The following ZNF229 variants were observed in gnomAD, a reference collection of about 807,000 sequenced individuals.
The protein encoded by ZNF229 is zinc finger protein 229.
A neutral mutation model predicts 11.8 loss-of-function variants in ZNF229; 10 were observed. The ratio of observed to expected loss-of-function variants is 0.85; its 90% CI spans 0.52 to 1.44. The LOEUF is 1.44. Among genes scored for constraint, ZNF229 ranks in the 40% most tolerant of loss-of-function variants. The probability of loss-of-function intolerance (pLI) is 0.00; values close to 1 mark genes in which losing one functional copy is unlikely to be tolerated. For synonymous variants in ZNF229, 368 were observed against 374.8 expected (o/e 0.98, Z 0.21); for missense variants, 1,045 against 1,015.1 (o/e 1.03, Z -0.40).
intron 4 of ZNF229, among the ~76,000 whole-genome samples, chr19:44,442,211 G>A (rs923491580): frequency 6.6e-6 from 1 of 152,144 alleles, no homozygotes; most frequent in Admixed American, 6.5e-5. Context: ...ACGTTCCACA[G>A]AGGAGAACAA....
chr19:44,433,590 A>G (rs1042815620), intron 4 of ZNF229, among the ~76,000 whole-genome samples: 4 of 151,944 alleles, frequency 2.6e-5, no homozygotes, highest in East Asian at 3.9e-4. Flanking sequence ...TGCTTTAGGC[A>G]TATAAAGTTC....
intron 4 of ZNF229, among the ~76,000 whole-genome samples, chr19:44,434,280 A>T (rs1487638070): frequency 6.6e-6 from 1 of 152,158 alleles, no homozygotes; most frequent in African/African-American, 2.4e-5. Flanking sequence ...CCAATCATTC[A>T]CTACCCTTCC....
intron 4 of ZNF229, among the ~76,000 whole-genome samples, chr19:44,433,917 C>T (rs537569876): frequency 2.6e-5 from 4 of 152,240 alleles, no homozygotes; most frequent in East Asian, 1.9e-4. Context: ...CAGGCATGTG[C>T]CACCATGCCC....
chr19:44,444,462 G>T (rs1010323657), intron 2 of ZNF229, among the ~76,000 whole-genome samples: 2 of 152,050 alleles, frequency 1.3e-5, no homozygotes, highest in African/African-American at 4.8e-5. Context: ...ATTGCCCTTT[G>T]ACCCAGGTGT....
At chr19:44,441,223 T>C (rs1299214030) in intron 4 of ZNF229, among the ~76,000 whole-genome samples, 1 of 152,088 alleles carries the variant, frequency 6.6e-6, no homozygotes, top group East Asian at 1.9e-4. Context: ...GGGGAACTTA[T>C]GGTGACGAAT....
intron 4 of ZNF229, among the ~76,000 whole-genome samples, chr19:44,439,563 C>G (rs1338348823): frequency 6.6e-6 from 1 of 152,136 alleles, no homozygotes; most frequent in Non-Finnish European, 1.5e-5. Flanking sequence ...TCTGCCTTAG[C>G]CTCCCGAGTA....
chr19:44,443,944 G>A (rs1310458091), intron 2 of ZNF229, among the ~76,000 whole-genome samples: 1 of 151,926 alleles, frequency 6.6e-6, no homozygotes, highest in African/African-American at 2.4e-5. Flanking sequence ...CCACCCCCCA[G>A]ACTGAATTAA....
chr19:44,430,262 A>G lies in ZNF229; in HGVS notation c.519T>C (p.Phe173=). ...DGLIGLENQQ[F]PAWRAIRPIP... Reference sequence around the variant, plus strand: ...TTGGTCTTATAGCTCTCCAGGCTGGAAACTGTTGATTTTCTAGACCGATAA... The same window carrying G: ...TTGGTCTTATAGCTCTCCAGGCTGGGAACTGTTGATTTTCTAGACCGATAA... Residue 173 remains phenylalanine, a synonymous_variant, in exon 6 of 6, where the codon TTT becomes TTC. Coordinates refer to ENST00000614049, the MANE Select transcript of ZNF229 (RefSeq NM_014518.4). The G allele has an allele frequency of 6.2e-7, 1 of 1,614,098 alleles. No homozygotes were observed. The highest frequency in any genetic ancestry group is 8.5e-7 in the Non-Finnish European group (1 of 1,180,036).
intron 4 of ZNF229, among the ~76,000 whole-genome samples, chr19:44,439,144 A>G (rs921595270): frequency 5.9e-5 from 9 of 152,196 alleles, no homozygotes; most frequent in African/African-American, 1.9e-4. Flanking sequence ...CTGCCACAAA[A>G]CTGATTGCTT....
intron 2 of ZNF229, among the ~76,000 whole-genome samples, chr19:44,446,818 A>C (rs1359361473): frequency 1.3e-5 from 2 of 152,218 alleles, no homozygotes. Context: ...AAATAAAGCA[A>C]ACATGATAGA....
In ZNF229 at chr19:44,428,683, G is replaced by T; in HGVS notation, c.2098C>A (p.Arg700Ser). The change falls in exon 6 of 6, where the codon CGC becomes AGC. Residue 700 changes from arginine (R) to serine (S), a missense_variant. Coordinates refer to ENST00000614049, the MANE Select transcript of ZNF229 (RefSeq NM_014518.4). ...GKGFSYGSNL[R>S]THQRLHTGEK... ...CCTGTGTGCAACCTCTGGTGGGTGC[G>T]AAGATTAGAGCCATAACTGAATCCC... is the stretch of plus-strand genomic sequence containing the variant. The T allele has an allele frequency of 6.2e-7, 1 of 1,613,934 alleles. No homozygotes were observed. The highest frequency in any genetic ancestry group is 8.5e-7 in the Non-Finnish European group (1 of 1,179,990).
At chr19:44,436,132 G>A (rs764907312) in intron 4 of ZNF229, among the ~76,000 whole-genome samples, 21 of 152,306 alleles carry the variant, frequency 1.4e-4, no homozygotes, top group East Asian at 5.8e-4. Context: ...ATGTTGGCCC[G>A]GACTCGGACA....
intron 2 of ZNF229, 80 bp from the exon 3 acceptor site, chr19:44,443,104 C>T: frequency 1.8e-6 from 1 of 563,982 alleles, no homozygotes; most frequent in South Asian, 2.3e-5. Context: ...GGATACTATT[C>T]ATTCAGTAGT....
intron 2 of ZNF229, among the ~76,000 whole-genome samples, chr19:44,446,806 G>T (rs1015716165): frequency 2.0e-4 from 31 of 152,202 alleles, no homozygotes; most frequent in Non-Finnish European, 7.4e-5. Context: ...GGGCTATGAA[G>T]AAAATAAAGC....
Position 44,428,438 on chromosome 19 carries a change from G to GTCT in ZNF229, c.2342_2343insAGA (p.Ser781_Cys782insAsp), listed in dbSNP as rs1320838123. ...GGACTCTCTGATGAACATGAAGACA[G>GTCT]GAGTTGCGGCCAAAGCCCTTCCCAC... On this transcript the variant is annotated inframe_insertion, in exon 6 of 6. Coordinates refer to ENST00000614049, the MANE Select transcript of ZNF229 (RefSeq NM_014518.4). The GTCT allele has an allele frequency of 4.3e-6, 7 of 1,613,508 alleles. No individual in the cohort carries two copies. The South Asian group carries it at 7.7e-5, about 18-fold the overall frequency.
intron 5 of ZNF229, among the ~76,000 whole-genome samples, chr19:44,431,292 AAACTGTCATATTT>A (rs1199014281): frequency 6.6e-6 from 1 of 152,204 alleles, no homozygotes; most frequent in Non-Finnish European, 1.5e-5. Flanking sequence ...GCAAAGGATC[AAACTGTCATATTT>A]ACCACAGTTC....
intron 4 of ZNF229, among the ~76,000 whole-genome samples, chr19:44,440,112 G>A (rs528473803): frequency 1.3e-5 from 2 of 152,040 alleles, no homozygotes; most frequent in South Asian, 4.2e-4. Flanking sequence ...GTGTAGGGGG[G>A]AGCTTGCTAG....
Position 44,426,721 on chromosome 19 carries a change from G to A in ZNF229, c.*1582C>T, listed in dbSNP as rs189857399. 1.3e-4 allele frequency: 20 copies of A among 152,182 alleles called. No homozygotes were observed. The highest frequency in any genetic ancestry group is 2.1e-4 in the South Asian group (1 of 4,828). The allele number at this position is 152,182 out of a possible 1,614,324, so 9.4% of individuals were successfully genotyped here. A position where few individuals can be genotyped will look rare whatever the true frequency, so the allele number is the denominator to read the frequency against. On this transcript the variant is annotated 3_prime_UTR_variant, in exon 6 of 6. Coordinates refer to ENST00000614049, the MANE Select transcript of ZNF229 (RefSeq NM_014518.4). ...TTTAAAAACTCCACCTTCTGCATGC[G>A]TTTTTGCCCAAGTGGGCAACTATCT...
chr19:44,434,878 T>C (rs1389448236), intron 4 of ZNF229, among the ~76,000 whole-genome samples: 1 of 152,172 alleles, frequency 6.6e-6, no homozygotes, highest in Non-Finnish European at 1.5e-5. Flanking sequence ...TCCCACGTGT[T>C]ATGGGAGGGA....
Sources: gnomAD v4.1 joint callset for allele counts (sites outside exome capture counted in the v4.1 genomes callset) on GRCh38, gnomAD v4.1.1 for gene constraint, MANE v1.5 for transcripts, NCBI Gene and HGNC (gene_info 2026-07-23, HGNC 2026-07-21) for gene names.